FLT1: variants seen among roughly 807,000 people sequenced by gnomAD.
FLT1 encodes the protein vascular endothelial growth factor receptor 1.
FLT1 carries 49 observed loss-of-function variants against 156.3 expected under a neutral mutation model. The observed-to-expected ratio is 0.31, with a 90% CI of 0.25 to 0.40. The LOEUF (loss-of-function observed/expected upper bound fraction) is 0.40, where lower values mean the gene tolerates loss of function less well. Ranked by LOEUF, FLT1 falls within the 10% of genes least tolerant of loss-of-function variation. FLT1 has a pLI of 1.00. For synonymous variants in FLT1, 594 were observed against 583.8 expected (o/e 1.02, Z -0.25); for missense variants, 1,322 against 1,637.2 (o/e 0.81, Z 3.32).
chr13:28,336,565 A>C (rs967480843), intron 17 of FLT1, among the ~76,000 whole-genome samples: 6 of 152,130 alleles, frequency 3.9e-5, no homozygotes, highest in African/African-American at 1.4e-4. Flanking sequence ...GGGAGAGTGC[A>C]TGGCAGCATG....
At chr13:28,327,579 T>C (rs558381447) in intron 19 of FLT1, 29 bp from the exon 20 acceptor site, 4 of 1,465,714 alleles carry the variant, frequency 2.7e-6, no homozygotes, top group Non-Finnish European at 3.8e-6. Context: ...ATGCTCATGC[T>C]CAGCCACACC....
chr13:28,472,727 A>G (rs1880242486), intron 1 of FLT1, among the ~76,000 whole-genome samples: 1 of 151,946 alleles, frequency 6.6e-6, no homozygotes, highest in African/African-American at 2.4e-5. Context: ...GCCATTTGTG[A>G]GTTCTGTTGT....
Position 28,451,704 on chromosome 13 carries a change from T to G in FLT1, c.389-13359A>C, listed in dbSNP as rs536681777. ...GAGGAGTCGGGCTGTGTCGAAGTGC[T>G]GCGCTGATGACCTGCGCCACCACGG... On this transcript the variant is annotated intron_variant, in intron 3 of 29. Transcript: ENST00000282397. Among the ~76,000 whole-genome samples the G allele has an allele frequency of 1.8e-4, 28 of 152,288 alleles. No homozygotes were observed. The South Asian group carries it at 5.8e-3, about 32-fold the overall frequency.
chr13:28,322,708 T>C lies in FLT1; in HGVS notation c.2953+82A>G. ...CTCCCACGGATGTTTATTAGAGTGA[T>C]AAATAAGAAAAAAATTTCAGAGATG... On this transcript the variant is annotated intron_variant, in intron 21 of 29. Coordinates refer to ENST00000282397, the MANE Select transcript of FLT1 (RefSeq NM_002019.4). This position sits in a 1 kb window ranked among gnomAD's most constrained non-coding sequence, Gnocchi z 4.3. 7.5e-7 allele frequency: 1 copy of C among 1,330,500 alleles called. No individual in the cohort carries two copies. Among genetic ancestry groups the C allele is most frequent in the Non-Finnish European group, 1.1e-6 (1 of 927,126 alleles). The allele number at this position is 1,330,500 out of a possible 1,614,324, so 82.4% of individuals were successfully genotyped here. A position where few individuals can be genotyped will look rare whatever the true frequency, so the allele number is the denominator to read the frequency against.
chr13:28,350,220 G>A (rs1399458806), intron 15 of FLT1, among the ~76,000 whole-genome samples: 2 of 152,214 alleles, frequency 1.3e-5, no homozygotes, highest in Non-Finnish European at 2.9e-5. Flanking sequence ...CGCATGATGT[G>A]CGTGAAAGGC....
At chr13:28,366,532 C>G (rs759869427) in intron 14 of FLT1, among the ~76,000 whole-genome samples, 3 of 151,830 alleles carry the variant, frequency 2.0e-5, no homozygotes, top group Non-Finnish European at 2.9e-5. Flanking sequence ...TGAAATGGCA[C>G]GATCTCGGCT....
chr13:28,442,105 T>C (rs1267437720), intron 3 of FLT1, among the ~76,000 whole-genome samples: 1 of 152,210 alleles, frequency 6.6e-6, no homozygotes, highest in Non-Finnish European at 1.5e-5. Context: ...GTTAATCAGA[T>C]AGACACAAGG....
Position 28,384,141 on chromosome 13 carries a change from G to A in FLT1, c.2116+744C>T, listed in dbSNP as rs577893543. 2.6e-5 allele frequency among the ~76,000 whole-genome samples: 4 copies of A among 152,246 alleles called. No homozygotes were observed. The East Asian group carries it at 7.7e-4, about 29-fold the overall frequency. On this transcript the variant is annotated intron_variant, in intron 14 of 29. Transcript: ENST00000282397. ...AACATCTGCGTAGATGAATTTAAAAGATTATAAACTGGCCAGACGCAGTGG... is the reference window on the plus strand; with the variant it reads ...AACATCTGCGTAGATGAATTTAAAAAATTATAAACTGGCCAGACGCAGTGG...
Position 28,389,868 on chromosome 13 carries a change from T to C in FLT1, c.1897A>G (p.Thr633Ala). 3 of 1,614,166 alleles carry C rather than the reference T, an allele frequency of 1.9e-6. No individual in the cohort carries two copies. Among genetic ancestry groups the C allele is most frequent in the Non-Finnish European group, 2.5e-6 (3 of 1,180,020 alleles). The change falls in exon 13 of 30, where the codon ACC becomes GCC. Residue 633 changes from threonine (T) to alanine (A), a missense_variant. By Grantham distance (58) the Thr-to-Ala change is moderately conservative (BLOSUM62 0). This residue lies in a region of FLT1 where 991 missense variants were observed against 1,254.8 expected (regional missense o/e 0.79). Coordinates refer to ENST00000282397, the MANE Select transcript of FLT1 (RefSeq NM_002019.4). ...IMNVSLQDSG[T>A]YACRARNVYT... is the part of the protein sequence containing the mutation. The stretch of plus-strand genomic sequence containing the variant: ...ACATTCCTGGCTCTGCAGGCATAGG[T>C]GCCTGAATCTTGCAGGGAAACATTC...
chr13:28,335,534 C>G (rs1274117471), intron 17 of FLT1, among the ~76,000 whole-genome samples: 1 of 152,142 alleles, frequency 6.6e-6, no homozygotes, highest in East Asian at 1.9e-4. Context: ...TACTCAGTGA[C>G]AAAAATGTCT....
chr13:28,382,413 G>A lies in FLT1; in HGVS notation c.2116+2472C>T, dbSNP rs143690026. On this transcript the variant is annotated intron_variant, in intron 14 of 29. Coordinates refer to ENST00000282397, the MANE Select transcript of FLT1 (RefSeq NM_002019.4). ...GTCAGGCGACTCTGAGCATAACGTC[G>A]TAGGAGTAGGCAGGGGCTAGATATT... Among the ~76,000 whole-genome samples, 43 of 152,344 alleles carry A rather than the reference G, an allele frequency of 2.8e-4. No individual in the cohort carries two copies. In the East Asian group the frequency reaches 6.2e-3, roughly 22 times the overall value.
chr13:28,422,950 T>C (rs1298282697), intron 10 of FLT1, among the ~76,000 whole-genome samples: 1 of 152,164 alleles, frequency 6.6e-6, no homozygotes, highest in African/African-American at 2.4e-5. Flanking sequence ...ATTGTTCCTT[T>C]AGAAACCAAC....
intron 15 of FLT1, 118 bp from the exon 16 acceptor site, chr13:28,345,669 C>A (rs1872538270): frequency 1.4e-6 from 1 of 714,818 alleles, no homozygotes; most frequent in Non-Finnish European, 2.5e-6. Flanking sequence ...CGAACCCAAT[C>A]TGCTGCCACA....
intron 3 of FLT1, among the ~76,000 whole-genome samples, chr13:28,445,172 T>C (rs1426091867): frequency 6.6e-6 from 1 of 152,110 alleles, no homozygotes; most frequent in Non-Finnish European, 1.5e-5. Flanking sequence ...AGACTCAAAT[T>C]ACTAGATTCA....
In FLT1 at chr13:28,439,673, G is replaced by T. The variant is rs150425451; in HGVS notation, c.389-1328C>A. Among the ~76,000 whole-genome samples, 139 of 152,382 alleles carry T rather than the reference G, an allele frequency of 9.1e-4. No individual in the cohort carries two copies. The highest frequency in any genetic ancestry group is 3.2e-3 in the African/African-American group (132 of 41,592). ...CATCCTTGTAAGAAGGCAGTCATGT[G>T]AAGACAGACAGGGTGTGCAGACTCG... On this transcript the variant is annotated intron_variant, in intron 3 of 29. Coordinates refer to ENST00000282397, the MANE Select transcript of FLT1 (RefSeq NM_002019.4). This position sits in a 1 kb window ranked among gnomAD's most constrained non-coding sequence, Gnocchi z 4.1.
chr13:28,367,599 G>A (rs1051534281), intron 14 of FLT1, among the ~76,000 whole-genome samples: 4 of 152,164 alleles, frequency 2.6e-5, no homozygotes, highest in Non-Finnish European at 5.9e-5. Context: ...GGAAGAGCAT[G>A]GAATATAATT....
chr13:28,412,917 G>A (rs1876396469), intron 10 of FLT1, among the ~76,000 whole-genome samples: 1 of 152,022 alleles, frequency 6.6e-6, no homozygotes, highest in Non-Finnish European at 1.5e-5. Flanking sequence ...GCAGAAAAAG[G>A]CGTAGCATTG....
intron 1 of FLT1, among the ~76,000 whole-genome samples, chr13:28,477,751 A>G (rs2137648301): frequency 6.6e-6 from 1 of 152,324 alleles, no homozygotes. Flanking sequence ...GTTCTTATCC[A>G]ATGTCACTGT....
chr13:28,372,048 GTATATATATATATATA>G (rs1169072431), intron 14 of FLT1, among the ~76,000 whole-genome samples: 3 of 75,584 alleles, frequency 4.0e-5, no homozygotes, highest in Non-Finnish European at 7.1e-5. Context: ...GTGTGTGTGT[GTATATATATATATATA>G]TATATATATA....
Sources: allele counts gnomAD v4.1 joint callset (sites outside exome capture counted in the v4.1 genomes callset), GRCh38; gene constraint gnomAD v4.1.1; regional missense constraint gnomAD v4.1.1; non-coding constraint Gnocchi (gnomAD v3.1); transcripts MANE v1.5; gene names NCBI Gene and HGNC (gene_info 2026-07-23, HGNC 2026-07-21).